Variants in CIITA observed in about 807,000 individuals in gnomAD.
CIITA encodes the protein class II major histocompatibility complex transactivator.
Under a neutral mutation model 115.1 loss-of-function variants are expected in CIITA, and 72 were observed. The observed-to-expected ratio is 0.63, with a 90% CI of 0.52 to 0.76. The LOEUF is 0.76. Ranked by LOEUF, CIITA falls within the 30% of genes least tolerant of loss-of-function variation. CIITA has a pLI of 0.00. For missense variants in CIITA, 1,617 were observed against 1,463.8 expected, an observed-to-expected ratio of 1.10 and a Z score of -1.71; for synonymous variants, 763 against 635.6, an observed-to-expected ratio of 1.20 and a Z score of -3.02.
intron 16 of CIITA, 68 bp downstream of exon 16, chr16:10,918,594 C>T: frequency 1.4e-6 from 2 of 1,393,696 alleles, no homozygotes; most frequent in Non-Finnish European, 1.0e-6. Flanking sequence ...GAACCCACAT[C>T]GTGCTGGCTG....
Position 10,877,228 on chromosome 16 carries a change from G to A in CIITA, c.-103G>A, listed in dbSNP as rs1357782065. The A allele has an allele frequency of 5.1e-6, 5 of 974,064 alleles. No individual in the cohort carries two copies. Among genetic ancestry groups the A allele is most frequent in the Non-Finnish European group, 8.1e-6 (5 of 619,786 alleles). 60.3% of individuals were successfully genotyped at this position (974,064 alleles called of 1,614,324 possible). ...GTGATGAGGCTAGTGATGAGGCTGT[G>A]TGCTTCTGAGCTGGGCATCCGAAGG... On this transcript the variant is annotated 5_prime_UTR_variant, in exon 1 of 20. In the 5' UTR this introduces an upstream ATG that the reference lacks. Coordinates refer to ENST00000324288, the MANE Select transcript of CIITA (RefSeq NM_000246.4).
At chr16:10,883,481 C>A (rs1423451660) in intron 1 of CIITA, among the ~76,000 whole-genome samples, 1 of 152,162 alleles carries the variant, frequency 6.6e-6, no homozygotes, top group East Asian at 1.9e-4. Flanking sequence ...CCTTTACTGG[C>A]AAATGCACAA....
At chr16:10,873,022 G>A (rs1179596615), upstream of CIITA, among the ~76,000 whole-genome samples, 1 of 151,820 alleles carries the variant, frequency 6.6e-6, no homozygotes, top group African/African-American at 2.4e-5. Flanking sequence ...GCCAAGGCTG[G>A]AGCACAGTGG....
intron 3 of CIITA, among the ~76,000 whole-genome samples, 170 bp downstream of exon 3, chr16:10,895,934 G>A (rs529628805): frequency 6.6e-6 from 1 of 152,136 alleles, no homozygotes; most frequent in South Asian, 2.1e-4. Flanking sequence ...GGGAAGAGAG[G>A]GGAGATGGAG....
At chr16:10,899,063 C>A in intron 5 of CIITA, 61 bp downstream of exon 5, 1 of 1,536,116 alleles carries the variant, frequency 6.5e-7, no homozygotes, top group Non-Finnish European at 9.0e-7. Flanking sequence ...TTCCTTGACT[C>A]CAAAGCCTGC....
At chr16:10,914,680 C>T (rs2039827575) in intron 13 of CIITA, among the ~76,000 whole-genome samples, 1 of 152,130 alleles carries the variant, frequency 6.6e-6, no homozygotes, top group South Asian at 2.1e-4. Context: ...GCTGTGTGAC[C>T]CTGTGTGAGC....
chr16:10,895,441 C>G lies in CIITA; in HGVS notation c.199+13C>G. 6.2e-7 allele frequency: 1 copy of G among 1,612,970 alleles called. No homozygotes were observed. Among genetic ancestry groups the G allele is most frequent in the African/African-American group, 1.3e-5 (1 of 75,034 alleles). On this transcript the variant is annotated intron_variant, in intron 2 of 19. Transcript: ENST00000324288. ...GAGCTCTACTCAGGTGGGCCCTCCT[C>G]CCTCTGGTCTCTTCCGGTATCCCCC...
At chr16:10,939,257 G>C (rs1020574397), downstream of CIITA, 1 of 152,204 alleles carries the variant, frequency 6.6e-6, no homozygotes, top group African/African-American at 2.4e-5. This position sits in a 1 kb window ranked among gnomAD's most constrained non-coding sequence, Gnocchi z 4.9. Context: ...CTCTGGCCTG[G>C]ACAACTAACA....
At chr16:10,915,514 T>C in intron 13 of CIITA, 56 bp from the exon 14 acceptor site, 2 of 1,395,090 alleles carry the variant, frequency 1.4e-6, no homozygotes, top group Non-Finnish European at 2.0e-6. Context: ...ACCCTGGGGC[T>C]GAATGAGGGG....
rs1433986318 is a variant in CIITA at position 10,927,582 on chromosome 16, A to G, written c.*3727A>G. 2.0e-5 allele frequency: 3 copies of G among 152,374 alleles called. No individual in the cohort carries two copies. Among genetic ancestry groups the G allele is most frequent in the South Asian group, 4.1e-4 (2 of 4,828 alleles). 9.4% of individuals were successfully genotyped at this position (152,374 alleles called of 1,614,324 possible). On this transcript the variant is annotated 3_prime_UTR_variant, in exon 20 of 20. Transcript: ENST00000324288. ...ACAGGGCTGCCAGGTGAGGTTGGCC[A>G]GTCTGTACACTGCACAAAGGCACCT...
intron 1 of CIITA, among the ~76,000 whole-genome samples, chr16:10,880,159 C>G (rs1276330027): frequency 6.6e-6 from 1 of 152,234 alleles, no homozygotes; most frequent in African/African-American, 2.4e-5. Context: ...TGGTCTCCAA[C>G]AATCTCAGAG....
intron 18 of CIITA, chr16:10,922,812 T>C (rs2145161893): frequency 1.9e-6 from 1 of 518,652 alleles, no homozygotes; most frequent in Non-Finnish European, 3.5e-6. Context: ...TTTTGACCTG[T>C]AAAATTGGCA....
chr16:10,917,516 C>G (rs1162428642), intron 15 of CIITA, among the ~76,000 whole-genome samples: 1 of 147,270 alleles, frequency 6.8e-6, no homozygotes, highest in African/African-American at 2.5e-5. Flanking sequence ...GAGTCTCGCT[C>G]TGTAGCCCAG....
chr16:10,913,706 G>A (rs1048121457), intron 13 of CIITA, among the ~76,000 whole-genome samples: 6 of 151,906 alleles, frequency 3.9e-5, no homozygotes, highest in Admixed American at 6.6e-5. Flanking sequence ...TTGGGAGGCC[G>A]AGGCAGGTGG....
intron 8 of CIITA, among the ~76,000 whole-genome samples, 197 bp downstream of exon 8, chr16:10,902,998 G>A (rs964841311): frequency 6.6e-6 from 1 of 152,212 alleles, no homozygotes; most frequent in Non-Finnish European, 1.5e-5. Context: ...GGTGGTCTGG[G>A]TGCATGACCA....
chr16:10,941,734 T>C lies in CIITA; in HGVS notation n.860T>C, dbSNP rs759542243. On this transcript the variant is annotated non_coding_transcript_exon_variant, in exon 2 of 2. Coordinates refer to the CIITA transcript ENST00000573379. This position sits in a 1 kb window ranked among gnomAD's most constrained non-coding sequence, Gnocchi z 6.4. ...GTCGAGACCCTACTCCAAGTACGCATCAAAGACGTCGAGCTCCGAGTCAGC... is the reference window on the plus strand; with the variant it reads ...GTCGAGACCCTACTCCAAGTACGCACCAAAGACGTCGAGCTCCGAGTCAGC... 2 of 1,610,044 alleles carry C rather than the reference T, an allele frequency of 1.2e-6. No individual in the cohort carries two copies. Among genetic ancestry groups the C allele is most frequent in the Non-Finnish European group, 1.7e-6 (2 of 1,178,154 alleles).
At chr16:10,897,619 C>T (rs1459331831) in intron 3 of CIITA, among the ~76,000 whole-genome samples, 7 of 152,166 alleles carry the variant, frequency 4.6e-5, no homozygotes, top group Non-Finnish European at 8.8e-5. Context: ...TTTGCAGCAT[C>T]CTGAAATATG....
In CIITA at chr16:10,941,653, T is replaced by C; in HGVS notation, n.779T>C. On this transcript the variant is annotated non_coding_transcript_exon_variant, in exon 2 of 2. Transcript: ENST00000573379. This position sits in a 1 kb window ranked among gnomAD's most constrained non-coding sequence, Gnocchi z 6.4. ...CCCAACCAGCTGCGGCGGCATGATC[T>C]GGGCGGCTGGTCCAGGGCATGGGTT... 2 of 1,540,022 alleles carry C rather than the reference T, an allele frequency of 1.3e-6. No individual in the cohort carries two copies. Among genetic ancestry groups the C allele is most frequent in the Non-Finnish European group, 1.8e-6 (2 of 1,141,214 alleles).
At position 10,918,508 on chromosome 16, in the gene CIITA, C is replaced by T. The variant is rs1449217419; in HGVS notation, c.3131C>T (p.Ala1044Val). The T allele has an allele frequency of 6.2e-7, 1 of 1,614,168 alleles. No homozygotes were observed. Among genetic ancestry groups the T allele is most frequent in the Non-Finnish European group, 8.5e-7 (1 of 1,180,030 alleles). Residue 1044 changes from alanine (A) to valine (V), a missense_variant, in exon 16 of 20, where the codon GCA becomes GTA. Coordinates refer to ENST00000324288, the MANE Select transcript of CIITA (RefSeq NM_000246.4). ...GCCGAGGCCCTGCCTTCGCTCGCTG[C>T]ATCCCTGCTCAGGCTAAGGTGAGTG... The part of the protein sequence containing the change: ...KLAEALPSLA[A>V]SLLRLSLYNN...
Sources: allele counts gnomAD v4.1 joint callset (sites outside exome capture counted in the v4.1 genomes callset), GRCh38; gene constraint gnomAD v4.1.1; non-coding constraint Gnocchi (gnomAD v3.1); transcripts MANE v1.5; gene names NCBI Gene and HGNC (gene_info 2026-07-23, HGNC 2026-07-21).